The following PRDM15 variants were observed in gnomAD, a reference collection of about 807,000 sequenced individuals.
The protein encoded by PRDM15 is PR/SET domain 15.
PRDM15 carries 64 observed loss-of-function variants against 128.6 expected under a neutral mutation model. The observed-to-expected ratio is 0.50, with a 90% CI of 0.41 to 0.61. The LOEUF (loss-of-function observed/expected upper bound fraction) is 0.61, where lower values mean the gene tolerates loss of function less well. PRDM15 is among the 20% of genes least tolerant of loss of function. The pLI is 0.00. For missense variants in PRDM15, 1,242 were observed against 1,569.1 expected, an observed-to-expected ratio of 0.79 and a Z score of 3.52; for synonymous variants, 615 against 621.8, an observed-to-expected ratio of 0.99 and a Z score of 0.16.
chr21:41,876,626 G>A (rs1300502288), intron 1 of PRDM15, among the ~76,000 whole-genome samples: 1 of 152,206 alleles, frequency 6.6e-6, no homozygotes, highest in Non-Finnish European at 1.5e-5. Context: ...TCCTTAGGAG[G>A]AGCCTTTTGA....
chr21:41,868,557 G>T (rs778099563), intron 1 of PRDM15, among the ~76,000 whole-genome samples: 18 of 151,994 alleles, frequency 1.2e-4, no homozygotes, highest in Non-Finnish European at 2.2e-4. Flanking sequence ...TCTCCTTGTG[G>T]TTTTAATTTG....
intron 6 of PRDM15, 88 bp from the exon 7 acceptor site, chr21:41,839,941 GT>G: frequency 1.8e-6 from 2 of 1,084,582 alleles, no homozygotes; most frequent in Non-Finnish European, 2.7e-6. Flanking sequence ...ATGTGTGTGT[GT>G]TTTCAATCTT....
intron 4 of PRDM15, among the ~76,000 whole-genome samples, chr21:41,856,892 C>A (rs1055432333): frequency 6.6e-6 from 1 of 152,216 alleles, no homozygotes; most frequent in African/African-American, 2.4e-5. Context: ...CAATGGAGGT[C>A]GTAAGACAGC....
Position 41,860,390 on chromosome 21 carries a change from A to C in PRDM15, c.-9-18T>G, listed in dbSNP as rs772476439. On this transcript the variant is annotated intron_variant, in intron 1 of 23. Coordinates refer to ENST00000398548, the MANE Select transcript of PRDM15 (RefSeq NM_001040424.3). ...TCTGACACCTGTCAGGATACAAGAG[A>C]GCCTCATTAATGACAAGCTCTTACC... 1.9e-6 allele frequency: 3 copies of C among 1,610,602 alleles called. No homozygotes were observed. The highest frequency in any genetic ancestry group is 2.7e-5 in the African/African-American group (2 of 74,818).
At position 41,819,617 on chromosome 21, in the gene PRDM15, T is replaced by C. The variant is rs1012025196; in HGVS notation, c.2225A>G (p.Asn742Ser). 3 of 1,612,302 alleles carry C rather than the reference T, an allele frequency of 1.9e-6. No homozygotes were observed. The highest frequency in any genetic ancestry group is 8.5e-7 in the Non-Finnish European group (1 of 1,179,630). Reference sequence around the variant, plus strand: ...CTCGGCACACAGGTACTCGCGGACATTGTCGTGCACACGCATGTGCTCCTT... The same window carrying C: ...CTCGGCACACAGGTACTCGCGGACACTGTCGTGCACACGCATGTGCTCCTT... ...MLKEHMRVHD[N>S]VREYLCAECG... The change falls in exon 18 of 24, where the codon AAT (asparagine) becomes AGT (serine). Residue 742 changes from asparagine to serine, a missense_variant. Physicochemically the swap from Asn to Ser is conservative, Grantham distance 46. This residue lies in a region of PRDM15 where 602 missense variants were observed against 788.3 expected (regional missense o/e 0.76). Transcript: ENST00000398548.
intron 7 of PRDM15, among the ~76,000 whole-genome samples, chr21:41,838,743 C>A (rs2062977116): frequency 6.6e-6 from 1 of 152,122 alleles, no homozygotes; most frequent in Non-Finnish European, 1.5e-5. Flanking sequence ...AAATCAGCGC[C>A]CAACAGTGCA....
At chr21:41,806,243 T>C (rs865950696) in intron 21 of PRDM15, among the ~76,000 whole-genome samples, 1 of 776 alleles carries the variant, frequency 1.3e-3, no homozygotes, top group African/African-American at 9.1e-3. Context: ...ACTACCACCA[T>C]CACCACCACC....
At chr21:41,852,538 C>T (rs1477630051) in intron 5 of PRDM15, among the ~76,000 whole-genome samples, 1 of 152,252 alleles carries the variant, frequency 6.6e-6, no homozygotes, top group Non-Finnish European at 1.5e-5. Context: ...CTAGGAGCAG[C>T]TGGGTGAAGA....
chr21:41,859,251 C>A lies in PRDM15; in HGVS notation c.131+341G>T, dbSNP rs755657611. The A allele has an allele frequency of 1.9e-6, 3 of 1,608,398 alleles. No homozygotes were observed. In the South Asian group the frequency reaches 3.3e-5, roughly 18 times the overall value. ...GACCTGGAATGCAGAGAGAAGCCAA[C>A]GAGCAGACCTCCAGCTTGGCTGCTG... On this transcript the variant is annotated intron_variant, in intron 3 of 23. Transcript: ENST00000398548. This position sits in a 1 kb window ranked among gnomAD's most constrained non-coding sequence, Gnocchi z 5.3.
At position 41,835,474 on chromosome 21, in the gene PRDM15, GCGGAAGGTCTT is replaced by G; in HGVS notation, c.1318_1328del (p.Lys440HisfsTer14). 6.2e-7 allele frequency: 1 copy of G among 1,610,492 alleles called. No individual in the cohort carries two copies. The highest frequency in any genetic ancestry group is 8.5e-7 in the Non-Finnish European group (1 of 1,179,866). On this transcript the variant is annotated frameshift_variant, in exon 11 of 24. Coordinates refer to ENST00000398548, the MANE Select transcript of PRDM15 (RefSeq NM_001040424.3). LOFTEE classifies it high-confidence loss of function. ...TGTGGAACTCCAGCGCGCTCTCGATGCGGAAGGTCTTCTCACAAGTGCCGCAGCGGTACCTG... is the reference window on the plus strand; with the variant it reads ...TGTGGAACTCCAGCGCGCTCTCGATGCTCACAAGTGCCGCAGCGGTACCTG...
Position 41,798,879 on chromosome 21 carries a change from T to C in PRDM15, c.*2361A>G, listed in dbSNP as rs2061357313. On this transcript the variant is annotated 3_prime_UTR_variant, in exon 24 of 24. Transcript: ENST00000398548. Reference sequence around the variant, plus strand: ...ATCTAGTTTCTTTGATGCAAATTTGTAGCAATTGCTTTAAGACAACCCATT... The same window carrying C: ...ATCTAGTTTCTTTGATGCAAATTTGCAGCAATTGCTTTAAGACAACCCATT... 1 of 152,252 alleles carries C rather than the reference T, an allele frequency of 6.6e-6. No homozygotes were observed. Among genetic ancestry groups the C allele is most frequent in the Non-Finnish European group, 1.5e-5 (1 of 68,036 alleles). The allele number at this position is 152,252 out of a possible 1,614,324, so 9.4% of individuals were successfully genotyped here. A position where few individuals can be genotyped will look rare whatever the true frequency, so the allele number is the denominator to read the frequency against.
In PRDM15 at chr21:41,859,610, A is replaced by G; in HGVS notation, c.113T>C (p.Phe38Ser). The G allele has an allele frequency of 1.2e-6, 2 of 1,613,850 alleles. No homozygotes were observed. Among genetic ancestry groups the G allele is most frequent in the Non-Finnish European group, 1.7e-6 (2 of 1,179,900 alleles). The change falls in exon 3 of 24, where the codon TTT becomes TCT. Residue 38 changes from phenylalanine to serine, a missense_variant. Phe to Ser is a radical substitution (Grantham distance 155, BLOSUM62 -2). Around this residue, in one of 3 missense-constraint regions of PRDM15, gnomAD observed 612 missense variants for 717.0 expected, o/e 0.85. Transcript: ENST00000398548. This position sits in a 1 kb window ranked among gnomAD's most constrained non-coding sequence, Gnocchi z 5.3. The stretch of plus-strand genomic sequence containing the variant: ...CACTCACCTTGCCCTGCTTAACACA[A>G]AGGAGTCTTTGACCATGACCACTGG... ...LGPVVMVKDS[F>S]VLSRARSSLP...
chr21:41,860,305 G>T, intron 2 of PRDM15, 22 bp downstream of exon 2: 1 of 1,607,840 alleles, frequency 6.2e-7, no homozygotes, highest in Non-Finnish European at 8.5e-7. Flanking sequence ...TCGGACCTGG[G>T]ACAGGTCCCT....
chr21:41,814,000 C>T (rs1214593032), intron 19 of PRDM15: 2 of 148,778 alleles, frequency 1.3e-5, no homozygotes, highest in Admixed American at 6.7e-5. Context: ...TTAGTGATTG[C>T]GCAGGGTGCT....
chr21:41,837,609 G>A (rs191933988), intron 8 of PRDM15, among the ~76,000 whole-genome samples: 5 of 152,290 alleles, frequency 3.3e-5, no homozygotes, highest in Non-Finnish European at 7.4e-5. Flanking sequence ...ACAGATGGAT[G>A]GGGGAGATGA....
At chr21:41,857,083 C>G in intron 4 of PRDM15, 93 bp downstream of exon 4, 1 of 1,145,286 alleles carries the variant, frequency 8.7e-7, no homozygotes, top group Non-Finnish European at 1.3e-6. Flanking sequence ...ATTTATAAAT[C>G]ATGGAAACTC....
Position 41,852,380 on chromosome 21 carries a change from G to A in PRDM15, c.538+2186C>T, listed in dbSNP as rs564921715. Among the ~76,000 whole-genome samples, 72 of 152,342 alleles carry A rather than the reference G, an allele frequency of 4.7e-4. No individual in the cohort carries two copies. In the South Asian group the frequency reaches 8.3e-3, roughly 18 times the overall value. On this transcript the variant is annotated intron_variant, in intron 5 of 23. Transcript: ENST00000398548. ...TCCAGACACAAGGAGCCCAGGTCCC[G>A]AAGATCACAGTTACTTGGGCTCTGC...
chr21:41,816,448 C>T (rs529292175), intron 18 of PRDM15, among the ~76,000 whole-genome samples: 2 of 152,288 alleles, frequency 1.3e-5, no homozygotes, highest in Admixed American at 6.5e-5. Context: ...GAGGCTGACA[C>T]GCACCAGGGA....
chr21:41,803,684 G>A (rs2061478432), intron 22 of PRDM15, among the ~76,000 whole-genome samples: 1 of 152,202 alleles, frequency 6.6e-6, no homozygotes, highest in Non-Finnish European at 1.5e-5. Flanking sequence ...GCCAAGGGTA[G>A]AAATGGCCTG....
Sources: allele counts gnomAD v4.1 joint callset (sites outside exome capture counted in the v4.1 genomes callset), GRCh38; gene constraint gnomAD v4.1.1; regional missense constraint gnomAD v4.1.1; non-coding constraint Gnocchi (gnomAD v3.1); transcripts MANE v1.5; gene names NCBI Gene and HGNC (gene_info 2026-07-23, HGNC 2026-07-21).